Variants in SHTN1 observed in about 807,000 individuals in gnomAD.
SHTN1 encodes shootin-1.
A neutral mutation model predicts 83.1 loss-of-function variants in SHTN1; 42 were observed. The observed-to-expected ratio is 0.51, with a 90% CI of 0.39 to 0.65. The LOEUF (loss-of-function observed/expected upper bound fraction) is 0.65, where lower values mean the gene tolerates loss of function less well. SHTN1 is among the 30% of genes least tolerant of loss of function. SHTN1 has a pLI of 0.00. For synonymous variants in SHTN1, 224 were observed against 247.7 expected, an observed-to-expected ratio of 0.90 and a Z score of 0.90; for missense variants, 622 against 737.8, an observed-to-expected ratio of 0.84 and a Z score of 1.82.
intron 1 of SHTN1, among the ~76,000 whole-genome samples, chr10:116,998,023 C>T (rs1452917993): frequency 6.6e-6 from 1 of 152,042 alleles, no homozygotes; most frequent in Non-Finnish European, 1.5e-5. Context: ...ACCTGGGAGG[C>T]GGAGCTTGCA....
chr10:116,888,698 G>C (rs1248517676), intron 16 of SHTN1, among the ~76,000 whole-genome samples: 1 of 152,226 alleles, frequency 6.6e-6, no homozygotes, highest in East Asian at 1.9e-4. Context: ...CTGTGGGCCA[G>C]TCACTGCCAC....
At chr10:117,061,744 T>G (rs1192183297) in intron 1 of SHTN1, among the ~76,000 whole-genome samples, 1 of 152,182 alleles carries the variant, frequency 6.6e-6, no homozygotes, top group Admixed American at 6.5e-5. Flanking sequence ...GTGCTGGGAT[T>G]ACAGACATGA....
At chr10:117,064,528 G>A (rs767651727) in intron 1 of SHTN1, among the ~76,000 whole-genome samples, 54 of 151,986 alleles carry the variant, frequency 3.6e-4, no homozygotes, top group Non-Finnish European at 6.3e-4. Flanking sequence ...GGTGGTGGGC[G>A]CCTGTAATCC....
At chr10:117,019,954 A>ATG (rs2133563382) in intron 2 of SHTN1, among the ~76,000 whole-genome samples, 1 of 152,176 alleles carries the variant, frequency 6.6e-6, no homozygotes, top group Admixed American at 6.5e-5. Context: ...GACTTAATAT[A>ATG]GTTCAAATGC....
In SHTN1 at chr10:117,011,051, G is replaced by A. The variant is rs77618137; in HGVS notation, c.-122-31743C>T. 7.3e-3 allele frequency among the ~76,000 whole-genome samples: 1,113 copies of A among 152,242 alleles called. 6 individuals carry two copies. The highest frequency in any genetic ancestry group is 0.048 in the Middle Eastern group (14 of 294). On this transcript the variant is annotated intron_variant, in intron 2 of 17. Coordinates refer to the SHTN1 transcript ENST00000392901. Reference sequence around the variant, plus strand: ...GTGCTTTCATCACTGCTATTCAACAGTGTGCTGCAAGTTCAATTAGACAAG... The same window carrying A: ...GTGCTTTCATCACTGCTATTCAACAATGTGCTGCAAGTTCAATTAGACAAG...
At chr10:116,958,526 A>G (rs1201705936) in intron 4 of SHTN1, among the ~76,000 whole-genome samples, 1 of 152,234 alleles carries the variant, frequency 6.6e-6, no homozygotes, top group African/African-American at 2.4e-5. Context: ...AGCAATGAAT[A>G]TAACAGTCAC....
chr10:116,901,261 T>A (rs1400994414), intron 16 of SHTN1: 1 of 985,266 alleles, frequency 1.0e-6, no homozygotes, highest in African/African-American at 1.7e-5. Flanking sequence ...AGTGCCACTC[T>A]GAAGCAAGTC....
At chr10:116,892,248 T>C (rs1473921944) in intron 16 of SHTN1, among the ~76,000 whole-genome samples, 1 of 152,194 alleles carries the variant, frequency 6.6e-6, no homozygotes, top group Non-Finnish European at 1.5e-5. Flanking sequence ...TAGTGCAGGC[T>C]GGACTGCACA....
intron 14 of SHTN1, among the ~76,000 whole-genome samples, chr10:116,907,070 T>C (rs1184297165): frequency 6.6e-6 from 1 of 152,130 alleles, no homozygotes; most frequent in Non-Finnish European, 1.5e-5. Context: ...GTGATGTGTG[T>C]TGACTGGGTG....
At chr10:116,932,190 T>TGATA (rs1470457519) in intron 9 of SHTN1, among the ~76,000 whole-genome samples, 2 of 152,082 alleles carry the variant, frequency 1.3e-5, no homozygotes, top group African/African-American at 4.8e-5. Flanking sequence ...AGTAAATAAC[T>TGATA]GATACTCTAG....
At chr10:116,893,600 G>C (rs1847415704) in intron 16 of SHTN1, among the ~76,000 whole-genome samples, 2 of 998 alleles carry the variant, frequency 2.0e-3, no homozygotes, top group African/African-American at 5.4e-3. Flanking sequence ...ACACACACGA[G>C]AAAGAAAGCG....
At chr10:116,908,735 T>C (rs1166635168) in intron 14 of SHTN1, among the ~76,000 whole-genome samples, 1 of 152,234 alleles carries the variant, frequency 6.6e-6, no homozygotes, top group Non-Finnish European at 1.5e-5. Flanking sequence ...TTGATGAATG[T>C]ATCTTTCACA....
chr10:117,090,913 T>C (rs1382184678), intron 1 of SHTN1, among the ~76,000 whole-genome samples: 1 of 152,108 alleles, frequency 6.6e-6, no homozygotes, highest in African/African-American at 2.4e-5. Flanking sequence ...TTGGGGTGGA[T>C]CTGTTCCCAA....
At chr10:116,908,483 TACA>T (rs747821180) in intron 14 of SHTN1, among the ~76,000 whole-genome samples, 8 of 152,186 alleles carry the variant, frequency 5.3e-5, no homozygotes, top group Non-Finnish European at 1.0e-4. Flanking sequence ...AAAAAAGTAC[TACA>T]ACAACTATTC....
At chr10:116,948,220 T>C (rs951355009) in intron 7 of SHTN1, among the ~76,000 whole-genome samples, 8 of 152,242 alleles carry the variant, frequency 5.3e-5, no homozygotes, top group African/African-American at 1.9e-4. Context: ...CTGTGTTTTA[T>C]AACTAGATGG....
chr10:116,941,982 A>G (rs916177240), intron 8 of SHTN1, among the ~76,000 whole-genome samples: 1 of 152,220 alleles, frequency 6.6e-6, no homozygotes, highest in African/African-American at 2.4e-5. Context: ...AAACAGGTAA[A>G]TAAACAATTG....
intron 1 of SHTN1, among the ~76,000 whole-genome samples, chr10:117,095,876 C>T (rs1853497005): frequency 6.6e-6 from 1 of 152,178 alleles, no homozygotes; most frequent in African/African-American, 2.4e-5. Flanking sequence ...ACAGAGAAAG[C>T]TACATGCCTT....
At chr10:116,898,388 C>T (rs1847597601) in intron 16 of SHTN1, among the ~76,000 whole-genome samples, 1 of 151,726 alleles carries the variant, frequency 6.6e-6, no homozygotes, top group Non-Finnish European at 1.5e-5. Context: ...ACTGATTGGC[C>T]TGAATCAGTG....
chr10:116,926,803 T>C (rs960337475), intron 11 of SHTN1, among the ~76,000 whole-genome samples: 15 of 152,138 alleles, frequency 9.9e-5, no homozygotes, highest in African/African-American at 3.6e-4. Flanking sequence ...GACATGAGCA[T>C]GTAAGCTGTC....
Sources: allele counts gnomAD v4.1 joint callset (sites outside exome capture counted in the v4.1 genomes callset), GRCh38; gene constraint gnomAD v4.1.1; transcripts MANE v1.5; gene names NCBI Gene and HGNC (gene_info 2026-07-23, HGNC 2026-07-21).